Variants in FAM3D observed in about 807,000 individuals in gnomAD.
FAM3D encodes protein FAM3D.
Under a neutral mutation model 29.8 loss-of-function variants are expected in FAM3D, and 26 were observed. The ratio of observed to expected loss-of-function variants is 0.87; its 90% CI spans 0.64 to 1.21. The LOEUF (loss-of-function observed/expected upper bound fraction) is 1.21. FAM3D is among the 50% of genes most tolerant of loss of function. The pLI is 0.00. For synonymous variants in FAM3D, 115 were observed against 102.3 expected, an observed-to-expected ratio of 1.12 and a Z score of -0.75; for missense variants, 253 against 290.9, an observed-to-expected ratio of 0.87 and a Z score of 0.95.
intron 2 of FAM3D, 74 bp from the exon 3 acceptor site, chr3:58,653,855 C>T: frequency 9.0e-7 from 1 of 1,114,646 alleles, no homozygotes; most frequent in Non-Finnish European, 1.4e-6. Flanking sequence ...TGAGTTCTTC[C>T]CAAATCCCAC....
intron 6 of FAM3D, among the ~76,000 whole-genome samples, chr3:58,641,480 C>T (rs1450915258): frequency 6.6e-6 from 1 of 152,012 alleles, no homozygotes; most frequent in Non-Finnish European, 1.5e-5. Context: ...CCCACCTCAG[C>T]CTTAGCTGGG....
chr3:58,651,889 T>A (rs1191623835), intron 3 of FAM3D, among the ~76,000 whole-genome samples: 6 of 152,098 alleles, frequency 3.9e-5, no homozygotes, highest in Non-Finnish European at 7.4e-5. Context: ...AACTTCTAAA[T>A]CATCTCAGCA....
At chr3:58,646,477 T>A (rs2066484680) in intron 4 of FAM3D, among the ~76,000 whole-genome samples, 1 of 152,212 alleles carries the variant, frequency 6.6e-6, no homozygotes, top group Admixed American at 6.5e-5. Flanking sequence ...GCCCTCAACG[T>A]GCTCTGTGAG....
At chr3:58,652,394 T>C (rs2066663041) in intron 3 of FAM3D, among the ~76,000 whole-genome samples, 1 of 151,750 alleles carries the variant, frequency 6.6e-6, no homozygotes, top group African/African-American at 2.4e-5. Flanking sequence ...ATTCATTCAT[T>C]CATCTATCCA....
chr3:58,650,184 G>A (rs2066594618), intron 3 of FAM3D, among the ~76,000 whole-genome samples: 1 of 152,182 alleles, frequency 6.6e-6, no homozygotes, highest in Admixed American at 6.5e-5. Flanking sequence ...AGAAATCCTA[G>A]GGGAAGAAAC....
chr3:58,654,390 C>T (rs991007504), intron 2 of FAM3D, among the ~76,000 whole-genome samples: 3 of 152,342 alleles, frequency 2.0e-5, no homozygotes, highest in Non-Finnish European at 4.4e-5. Context: ...CAGTTTCCAT[C>T]AATTCTCCCT....
chr3:58,649,330 G>A lies in FAM3D; in HGVS notation c.130C>T (p.Pro44Ser). ...IRLPRWLAAS[P>S]TKEIQVKKYK... ...AGATACTCACGGATCTCCTTGGTGG[G>A]CGAGGCTGCTGGAGAGAAGACAGAA... is the stretch of plus-strand genomic sequence containing the variant. Residue 44 changes from proline (P) to serine (S), a missense_variant, in exon 4 of 10, where the codon CCC becomes TCC. By Grantham distance (74) the Pro-to-Ser change is moderately conservative. Transcript: ENST00000358781. 2 of 1,613,908 alleles carry A rather than the reference G, an allele frequency of 1.2e-6. No individual in the cohort carries two copies. Among genetic ancestry groups the A allele is most frequent in the Non-Finnish European group, 1.7e-6 (2 of 1,179,888 alleles).
At chr3:58,657,376 G>C (rs1278251503) in intron 1 of FAM3D, 1 of 148,772 alleles carries the variant, frequency 6.7e-6, no homozygotes, top group African/African-American at 2.6e-5. Context: ...GGGGCGGGGT[G>C]GTGGGGAAGA....
chr3:58,641,949 AGCCTGTGCCATTTCCTGCCTG>A (rs2106762925), intron 6 of FAM3D, among the ~76,000 whole-genome samples: 1 of 152,358 alleles, frequency 6.6e-6, no homozygotes, highest in South Asian at 2.1e-4. Context: ...GGTCAGCTGC[AGCCTGTGCCATTTCCTGCCTG>A]CCCTCGCTGT....
At chr3:58,664,097 C>T (rs2066984398) in intron 1 of FAM3D, among the ~76,000 whole-genome samples, 4 of 38,830 alleles carry the variant, frequency 1.0e-4, no homozygotes, top group Non-Finnish European at 2.6e-4. Context: ...TTCTCTCTAC[C>T]GTTCATAGCC....
chr3:58,655,360 A>G (rs2066763502), intron 2 of FAM3D, among the ~76,000 whole-genome samples, 191 bp downstream of exon 2: 1 of 152,162 alleles, frequency 6.6e-6, no homozygotes. Flanking sequence ...CCTCTGTGCA[A>G]AAGTTCCTCA....
At position 58,635,921 on chromosome 3, in the gene FAM3D, G is replaced by A. The variant is rs533954294; in HGVS notation, c.585+373C>T. ...CATGCCTCGCCAGGGAGGCTGAAGGGATGGGGACAGGCATCCTGCTCCTTT... is the reference window on the plus strand; with the variant it reads ...CATGCCTCGCCAGGGAGGCTGAAGGAATGGGGACAGGCATCCTGCTCCTTT... On this transcript the variant is annotated intron_variant, in intron 9 of 9. Transcript: ENST00000358781. This position sits in a 1 kb window ranked among gnomAD's most constrained non-coding sequence, Gnocchi z 5.2. Among the ~76,000 whole-genome samples the A allele has an allele frequency of 2.0e-5, 3 of 152,278 alleles. No individual in the cohort carries two copies. Among genetic ancestry groups the A allele is most frequent in the Non-Finnish European group, 4.4e-5 (3 of 68,026 alleles).
At chr3:58,646,356 G>A (rs1182485600) in intron 4 of FAM3D, among the ~76,000 whole-genome samples, 2 of 152,190 alleles carry the variant, frequency 1.3e-5, no homozygotes, top group Non-Finnish European at 2.9e-5. Context: ...GGTGATGCTG[G>A]CTGTTCCTAA....
chr3:58,636,509 T>C, intron 8 of FAM3D, 89 bp from the exon 9 acceptor site: 1 of 1,547,646 alleles, frequency 6.5e-7, no homozygotes, highest in Non-Finnish European at 8.7e-7. Flanking sequence ...AGGTTCCCAC[T>C]CTTCTCCCCA....
At chr3:58,662,606 A>C (rs1468708112) in intron 1 of FAM3D, among the ~76,000 whole-genome samples, 50 of 152,254 alleles carry the variant, frequency 3.3e-4, no homozygotes, top group Admixed American at 1.4e-3. Flanking sequence ...ACATAAGTAG[A>C]ATGACTTATG....
At chr3:58,664,126 T>C (rs957527728) in intron 1 of FAM3D, among the ~76,000 whole-genome samples, 11 of 152,032 alleles carry the variant, frequency 7.2e-5, no homozygotes, top group Non-Finnish European at 8.8e-5. Flanking sequence ...TTGGGCAGGT[T>C]ACCTCACCTC....
chr3:58,652,596 T>TACCCATCC (rs2066670963), intron 3 of FAM3D, among the ~76,000 whole-genome samples: 1 of 147,238 alleles, frequency 6.8e-6, no homozygotes, highest in African/African-American at 2.5e-5. Flanking sequence ...TCTACCCATC[T>TACCCATCC]ACCCATCCAC....
At chr3:58,649,164 GGA>G in intron 4 of FAM3D, 149 bp downstream of exon 4, 1 of 953,828 alleles carries the variant, frequency 1.0e-6, no homozygotes, top group Admixed American at 2.8e-5. Context: ...GGCCATGGGA[GGA>G]GAGGACTGGG....
rs2066907514 is a variant in FAM3D at position 58,660,334 on chromosome 3, TC to T, written c.-38-4734del. On this transcript the variant is annotated intron_variant, in intron 1 of 9. Coordinates refer to ENST00000358781, the MANE Select transcript of FAM3D (RefSeq NM_138805.3). Reference sequence around the variant, plus strand: ...ACCCAGTTGCCCCTTGCTATGAGTCTCCCATCACCCCCAAAAGCCATCCTGA... The same window carrying T: ...ACCCAGTTGCCCCTTGCTATGAGTCTCCATCACCCCCAAAAGCCATCCTGA... 5.3e-5 allele frequency among the ~76,000 whole-genome samples: 8 copies of T among 152,190 alleles called. No homozygotes were observed. The South Asian group carries it at 1.7e-3, about 32-fold the overall frequency.
Sources: allele counts gnomAD v4.1 joint callset (sites outside exome capture counted in the v4.1 genomes callset), GRCh38; gene constraint gnomAD v4.1.1; non-coding constraint Gnocchi (gnomAD v3.1); transcripts MANE v1.5; gene names NCBI Gene and HGNC (gene_info 2026-07-23, HGNC 2026-07-21).